The following BLMH variants were observed in gnomAD, a reference collection of about 807,000 sequenced individuals.
BLMH encodes the protein bleomycin hydrolase.
In BLMH, 32 loss-of-function variants were observed where a neutral mutation model predicts 61.6. The observed-to-expected ratio is 0.52, with a 90% CI of 0.39 to 0.70. The LOEUF (loss-of-function observed/expected upper bound fraction) is 0.70. BLMH is among the 30% of genes least tolerant of loss of function. The probability of loss-of-function intolerance (pLI) is 0.00; values close to 1 mark genes in which losing one functional copy is unlikely to be tolerated. For missense variants in BLMH, 460 were observed against 555.5 expected, an observed-to-expected ratio of 0.83 and a Z score of 1.73; for synonymous variants, 183 against 193.8, an observed-to-expected ratio of 0.94 and a Z score of 0.46.
chr17:30,257,515 A>T (rs1032758305), intron 11 of BLMH, among the ~76,000 whole-genome samples: 2 of 152,248 alleles, frequency 1.3e-5, no homozygotes, highest in African/African-American at 4.8e-5. Flanking sequence ...AGGGGAATGA[A>T]GAGTGACAGA....
intron 7 of BLMH, 46 bp from the exon 8 acceptor site, chr17:30,272,945 G>A: frequency 6.3e-7 from 1 of 1,594,396 alleles, no homozygotes; most frequent in Non-Finnish European, 8.6e-7. Context: ...AACCAGGAAT[G>A]TCAAGCAACA....
At chr17:30,271,546 G>GTT in intron 9 of BLMH, 158 bp from the exon 10 acceptor site, 2 of 587,994 alleles carry the variant, frequency 3.4e-6, no homozygotes, top group Non-Finnish European at 6.1e-6. Context: ...GGAACATGCA[G>GTT]AACTTAGTCT....
rs1467276464 is a variant in BLMH, at chr17:30,248,261, G to T, written c.*756C>A. 1 of 152,494 alleles carries T rather than the reference G, an allele frequency of 6.6e-6. No homozygotes were observed. Among genetic ancestry groups the T allele is most frequent in the Admixed American group, 6.6e-5 (1 of 15,256 alleles). The allele number at this position is 152,494 out of a possible 1,614,324, so 9.4% of individuals were successfully genotyped here. ...CTCAGCACCATCTAGTTATCAGAAA[G>T]AATGGATATCACCTTTTCCTGCCCA... On this transcript the variant is annotated 3_prime_UTR_variant, in exon 12 of 12. Coordinates refer to ENST00000261714, the MANE Select transcript of BLMH (RefSeq NM_000386.4).
In BLMH at chr17:30,275,512, A is replaced by C. The variant is rs149979125; in HGVS notation, c.646-1315T>G. Among the ~76,000 whole-genome samples the C allele has an allele frequency of 4.2e-3, 640 of 151,862 alleles. 10 individuals are homozygous for C. The highest frequency in any genetic ancestry group is 0.015 in the East Asian group (77 of 5,136). On this transcript the variant is annotated intron_variant, in intron 6 of 11. Transcript: ENST00000261714. ...TGTCTTTACTAAAGATACAAAAGAA[A>C]ACAAAACAAAACAAAACAAAAAAAC...
At chr17:30,277,508 T>C (rs542981543) in intron 6 of BLMH, among the ~76,000 whole-genome samples, 5 of 152,264 alleles carry the variant, frequency 3.3e-5, no homozygotes, top group Non-Finnish European at 5.9e-5. Context: ...TAGTAACTAC[T>C]GTTACATGTG....
chr17:30,251,645 G>A (rs1334265507), intron 11 of BLMH, among the ~76,000 whole-genome samples: 2 of 152,108 alleles, frequency 1.3e-5, no homozygotes, highest in South Asian at 4.2e-4. Flanking sequence ...CTAGCAAGAG[G>A]GTCCCCTAGT....
rs1393598081 is a variant in BLMH, at chr17:30,249,040, G to A, written c.1345C>T (p.Pro449Ser). The change falls in exon 12 of 12, where the codon CCC becomes TCC. Residue 449 changes from proline (P) to serine (S), a missense_variant. Pro to Ser is a moderately conservative substitution (Grantham distance 74). This residue lies in a region of BLMH where 310 missense variants were observed against 371.1 expected (regional missense o/e 0.84). Transcript: ENST00000261714. Reference sequence around the variant, plus strand: ...TATCACTCAGCCAAAGCTCCCATGGGGTCCCATGCTGGCAGGATAATGGGT... The same window carrying A: ...TATCACTCAGCCAAAGCTCCCATGGAGTCCCATGCTGGCAGGATAATGGGT... ...QEPIILPAWD[P>S]MGALAE 2 of 1,613,900 alleles carry A rather than the reference G, an allele frequency of 1.2e-6. No individual in the cohort carries two copies. The highest frequency in any genetic ancestry group is 1.3e-5 in the African/African-American group (1 of 74,878).
intron 11 of BLMH, chr17:30,249,987 T>C (rs996946784): frequency 1.3e-5 from 2 of 152,174 alleles, no homozygotes; most frequent in Non-Finnish European, 2.9e-5. Context: ...TTGCCTTCCA[T>C]AAGGAGGATT....
chr17:30,271,908 T>A (rs1908282998), intron 9 of BLMH, among the ~76,000 whole-genome samples: 1 of 152,226 alleles, frequency 6.6e-6, no homozygotes, highest in South Asian at 2.1e-4. Context: ...CATGTTCTAG[T>A]TAGTGTGAGA....
At chr17:30,253,114 T>C (rs551367230) in intron 11 of BLMH, among the ~76,000 whole-genome samples, 1 of 152,276 alleles carries the variant, frequency 6.6e-6, no homozygotes, top group East Asian at 1.9e-4. Context: ...CTCACCACAA[T>C]GCAGGCTGAA....
At chr17:30,287,463 T>TC (rs1908764595) in intron 4 of BLMH, among the ~76,000 whole-genome samples, 4 of 152,370 alleles carry the variant, frequency 2.6e-5, no homozygotes, top group Non-Finnish European at 5.9e-5. Flanking sequence ...TGATGAGATT[T>TC]CCCCAAAAGA....
chr17:30,267,497 C>A (rs1250291397), intron 10 of BLMH, among the ~76,000 whole-genome samples: 1 of 152,138 alleles, frequency 6.6e-6, no homozygotes, highest in Admixed American at 6.5e-5. Context: ...CAAATGCATT[C>A]TTTTACTGAT....
intron 11 of BLMH, chr17:30,252,012 T>C (rs1907681158): frequency 6.6e-6 from 1 of 152,256 alleles, no homozygotes; most frequent in African/African-American, 2.4e-5. Context: ...TACATTTTAA[T>C]GTCTAGATTT....
At chr17:30,289,263 TC>T (rs1908816424) in intron 3 of BLMH, 109 bp downstream of exon 3, 1 of 540,606 alleles carries the variant, frequency 1.8e-6, no homozygotes, top group Non-Finnish European at 3.1e-6. Context: ...AAAAGGTGTC[TC>T]ACCTATTATG....
intron 11 of BLMH, among the ~76,000 whole-genome samples, chr17:30,251,420 G>A (rs924989033): frequency 3.3e-5 from 5 of 152,184 alleles, no homozygotes; most frequent in East Asian, 1.9e-4. Flanking sequence ...CAGAGCAAAC[G>A]ATGTGTACTG....
chr17:30,270,279 C>G (rs561987809), intron 10 of BLMH, among the ~76,000 whole-genome samples: 1 of 152,214 alleles, frequency 6.6e-6, no homozygotes, highest in South Asian at 2.1e-4. Context: ...GCGGGCAGAT[C>G]ACCTGAGGTC....
At chr17:30,279,796 T>C (rs1908534279) in intron 6 of BLMH, among the ~76,000 whole-genome samples, 2 of 152,106 alleles carry the variant, frequency 1.3e-5, no homozygotes, top group South Asian at 2.1e-4. Context: ...AGCAAGATAC[T>C]ATCTCAAAAA....
rs1001981922 is a variant in BLMH, at chr17:30,291,794, G to C, written c.13+13C>G. On this transcript the variant is annotated intron_variant, in intron 1 of 11. Coordinates refer to ENST00000261714, the MANE Select transcript of BLMH (RefSeq NM_000386.4). ...CCTCCAGAGGACCGCGGCGGGGGAC[G>C]GCGGCACCTCACCCGAGCTGCTCAT... is the stretch of plus-strand genomic sequence containing the variant. 14 of 1,400,864 alleles carry C rather than the reference G, an allele frequency of 1.0e-5. No homozygotes were observed. Among genetic ancestry groups the C allele is most frequent in the Non-Finnish European group, 1.3e-5 (14 of 1,081,982 alleles). The allele number at this position is 1,400,864 out of a possible 1,614,324, so 86.8% of individuals were successfully genotyped here. A position where few individuals can be genotyped will look rare whatever the true frequency, so the allele number is the denominator to read the frequency against.
intron 11 of BLMH, among the ~76,000 whole-genome samples, chr17:30,253,048 A>G (rs1907716116): frequency 6.6e-6 from 1 of 152,206 alleles, no homozygotes. Context: ...GCTTTCAGCA[A>G]GCAGGAGAGC....
Sources: gnomAD v4.1 joint callset for allele counts (sites outside exome capture counted in the v4.1 genomes callset) on GRCh38, gnomAD v4.1.1 for gene constraint, gnomAD v4.1.1 regional missense constraint, MANE v1.5 for transcripts, NCBI Gene and HGNC (gene_info 2026-07-23, HGNC 2026-07-21) for gene names.